Variants in PPP2R3A observed in about 807,000 individuals in gnomAD.
PPP2R3A encodes the protein protein phosphatase 2 regulatory subunit B''alpha.
Under a neutral mutation model 106.9 loss-of-function variants are expected in PPP2R3A, and 80 were observed. The observed-to-expected ratio is 0.75, with a 90% CI of 0.62 to 0.90. The LOEUF (loss-of-function observed/expected upper bound fraction) is 0.90, where lower values mean the gene tolerates loss of function less well. Ranked by LOEUF, PPP2R3A falls within the 40% of genes least tolerant of loss-of-function variation. The pLI is 0.00. For synonymous variants in PPP2R3A, 483 were observed against 468.3 expected, an observed-to-expected ratio of 1.03 and a Z score of -0.41; for missense variants, 1,386 against 1,350.4, an observed-to-expected ratio of 1.03 and a Z score of -0.41.
At chr3:136,039,453 G>T (rs1175668131) in intron 3 of PPP2R3A, among the ~76,000 whole-genome samples, 1 of 152,158 alleles carries the variant, frequency 6.6e-6, no homozygotes, top group East Asian at 1.9e-4. Context: ...CTTTGTGGAA[G>T]ACAGTTTTTC....
chr3:135,968,991 C>T (rs541678058), intron 1 of PPP2R3A, among the ~76,000 whole-genome samples: 97 of 152,068 alleles, frequency 6.4e-4, no homozygotes, highest in African/African-American at 2.1e-3. Context: ...AGTAATTTAC[C>T]GTAAACAGTG....
At chr3:136,117,628 G>A (rs1041330715) in intron 13 of PPP2R3A, among the ~76,000 whole-genome samples, 12 of 152,314 alleles carry the variant, frequency 7.9e-5, no homozygotes, top group Middle Eastern at 3.4e-3. Flanking sequence ...AGAAAATCTA[G>A]AAGAAATGGA....
At chr3:136,089,610 T>G (rs2107944100) in intron 9 of PPP2R3A, among the ~76,000 whole-genome samples, 1 of 152,130 alleles carries the variant, frequency 6.6e-6, no homozygotes, top group East Asian at 1.9e-4. Context: ...TGTTGTTTTT[T>G]TTTTTTTCTT....
chr3:136,022,884 C>T, intron 2 of PPP2R3A: 5 of 1,385,202 alleles, frequency 3.6e-6, no homozygotes, highest in South Asian at 1.6e-5. Flanking sequence ...TGGGAACCAG[C>T]TGCATGTCAG....
chr3:136,025,074 A>G (rs983648589), intron 2 of PPP2R3A, among the ~76,000 whole-genome samples: 2 of 152,108 alleles, frequency 1.3e-5, no homozygotes, highest in Non-Finnish European at 2.9e-5. Context: ...TGCTTCATCT[A>G]ATTTTTTGAG....
chr3:136,077,990 A>G (rs1936651997), intron 6 of PPP2R3A, among the ~76,000 whole-genome samples: 2 of 152,190 alleles, frequency 1.3e-5, no homozygotes, highest in African/African-American at 4.8e-5. Flanking sequence ...TGACCAGTTA[A>G]TCAATCATTA....
At chr3:136,056,750 T>A (rs901422986) in intron 5 of PPP2R3A, among the ~76,000 whole-genome samples, 2 of 151,988 alleles carry the variant, frequency 1.3e-5, no homozygotes, top group Non-Finnish European at 2.9e-5. Flanking sequence ...GTAAAAAACT[T>A]CTGCACAGTC....
chr3:136,124,692 AATT>A (rs1031650581), intron 13 of PPP2R3A, among the ~76,000 whole-genome samples: 20 of 152,164 alleles, frequency 1.3e-4, no homozygotes, highest in African/African-American at 4.6e-4. Context: ...AAAAATATAA[AATT>A]ATAATTAATT....
intron 2 of PPP2R3A, among the ~76,000 whole-genome samples, chr3:136,017,202 T>A (rs1934307758): frequency 6.6e-6 from 1 of 152,126 alleles, no homozygotes; most frequent in South Asian, 2.1e-4. Flanking sequence ...ATCTGAGAGG[T>A]TTTTCTTTAA....
intron 4 of PPP2R3A, among the ~76,000 whole-genome samples, chr3:136,048,981 A>G (rs1244341082): frequency 6.6e-6 from 1 of 152,100 alleles, no homozygotes; most frequent in Admixed American, 6.6e-5. Context: ...AAAATGCTTT[A>G]GACAGCTGTT....
At chr3:136,003,580 C>A (rs1213742618) in intron 2 of PPP2R3A, 87 bp downstream of exon 2, 1 of 1,297,604 alleles carries the variant, frequency 7.7e-7, no homozygotes, top group East Asian at 2.5e-5. Context: ...TTTTTGTTAG[C>A]CATTTTTTGT....
intron 10 of PPP2R3A, among the ~76,000 whole-genome samples, chr3:136,101,048 A>G: frequency 6.6e-6 from 1 of 152,216 alleles, no homozygotes; most frequent in South Asian, 2.1e-4. Context: ...GCAAGAAACA[A>G]GAATTAGGAG....
At chr3:136,014,784 ACTT>A (rs1437035545) in intron 2 of PPP2R3A, among the ~76,000 whole-genome samples, 1 of 151,964 alleles carries the variant, frequency 6.6e-6, no homozygotes, top group Admixed American at 6.6e-5. Flanking sequence ...CGACAGTTTG[ACTT>A]CTTCTTTACC....
intron 2 of PPP2R3A, among the ~76,000 whole-genome samples, chr3:136,016,454 C>G (rs1444071580): frequency 6.6e-6 from 1 of 152,100 alleles, no homozygotes; most frequent in Non-Finnish European, 1.5e-5. Context: ...CTATCTGTCT[C>G]CTTTCTTAGG....
intron 6 of PPP2R3A, among the ~76,000 whole-genome samples, chr3:136,076,824 G>C (rs1309862319): frequency 6.6e-6 from 1 of 152,128 alleles, no homozygotes; most frequent in African/African-American, 2.4e-5. Context: ...GCGGGCACCT[G>C]TAGTGCCAGC....
chr3:136,015,575 C>T (rs1247170842), intron 2 of PPP2R3A, among the ~76,000 whole-genome samples: 1 of 151,970 alleles, frequency 6.6e-6, no homozygotes. Context: ...TTATCCATCT[C>T]TTCTAGGTTT....
intron 1 of PPP2R3A, among the ~76,000 whole-genome samples, chr3:135,986,121 G>A (rs1932906276): frequency 6.6e-6 from 1 of 152,104 alleles, no homozygotes; most frequent in South Asian, 2.1e-4. Flanking sequence ...ATCTAAAAGG[G>A]ATACAGGGAA....
At chr3:136,078,029 A>G (rs891947339) in intron 6 of PPP2R3A, among the ~76,000 whole-genome samples, 4 of 152,198 alleles carry the variant, frequency 2.6e-5, no homozygotes, top group Admixed American at 2.6e-4. Context: ...TTCCCACCTC[A>G]TATGCCTTCC....
chr3:136,106,352 T>G lies in PPP2R3A; in HGVS notation c.3329+30T>G, dbSNP rs747781471. On this transcript the variant is annotated intron_variant, in intron 13 of 13. Transcript: ENST00000264977. ...GTAAGTTTCCCTATGTCTTATAGAATTTTTAACAGGAATGCGCATGTCCAG... is the reference window on the plus strand; with the variant it reads ...GTAAGTTTCCCTATGTCTTATAGAAGTTTTAACAGGAATGCGCATGTCCAG... 1.3e-5 allele frequency: 20 copies of G among 1,582,964 alleles called. No homozygotes were observed. In the South Asian group the frequency reaches 2.1e-4, roughly 17 times the overall value.
Sources: gnomAD v4.1 joint callset for allele counts (sites outside exome capture counted in the v4.1 genomes callset) on GRCh38, gnomAD v4.1.1 for gene constraint, MANE v1.5 for transcripts, NCBI Gene and HGNC (gene_info 2026-07-23, HGNC 2026-07-21) for gene names.